PRKN: variants seen among roughly 807,000 people sequenced by gnomAD.
PRKN encodes the protein E3 ubiquitin-protein ligase parkin.
PRKN carries 56 observed loss-of-function variants against 59.5 expected under a neutral mutation model. The observed-to-expected ratio is 0.94, with a 90% CI of 0.76 to 1.18. PRKN has a LOEUF of 1.18. Ranked by LOEUF, PRKN falls within the 50% of genes most tolerant of loss-of-function variation. The pLI, the probability that PRKN is intolerant of heterozygous loss-of-function variation, is 0.00. For missense variants in PRKN, 657 were observed against 596.4 expected (o/e 1.10, Z -1.06); for synonymous variants, 250 against 222.1 (o/e 1.13, Z -1.12).
chr6:162,262,824 G>T, intron 2 of PRKN, 59 bp from the exon 3 acceptor site: 2 of 1,585,402 alleles, frequency 1.3e-6, no homozygotes, highest in Non-Finnish European at 1.7e-6. Context: ...AACATGAAAT[G>T]CGAGATAGAG....
At chr6:162,125,623 C>A (rs564388823) in intron 4 of PRKN, among the ~76,000 whole-genome samples, 2 of 152,132 alleles carry the variant, frequency 1.3e-5, no homozygotes, top group African/African-American at 2.4e-5. Flanking sequence ...ACTCACAACC[C>A]GTCACTTATA....
At chr6:162,670,656 G>A (rs1779285337) in intron 1 of PRKN, among the ~76,000 whole-genome samples, 1 of 152,088 alleles carries the variant, frequency 6.6e-6, no homozygotes, top group Non-Finnish European at 1.5e-5. Flanking sequence ...AAGAAGACTT[G>A]CCACCACCTA....
intron 2 of PRKN, among the ~76,000 whole-genome samples, chr6:162,302,724 T>C (rs9347614): frequency 0.32 from 48,297 of 151,842 alleles, 11,312 homozygotes; most frequent in African/African-American, 0.64. Flanking sequence ...TGCCAAAACT[T>C]CTGAGCTACA....
At chr6:161,368,384 T>TAG (rs1785307324) in intron 10 of PRKN, among the ~76,000 whole-genome samples, 1 of 124,618 alleles carries the variant, frequency 8.0e-6, no homozygotes, top group Non-Finnish European at 1.6e-5. Flanking sequence ...TCAGTCTTGA[T>TAG]ATATATATAT....
chr6:161,583,803 T>C (rs1175705247), intron 7 of PRKN, among the ~76,000 whole-genome samples: 1 of 152,176 alleles, frequency 6.6e-6, no homozygotes, highest in African/African-American at 2.4e-5. Context: ...TACATCATCG[T>C]TTTTAATGGC....
chr6:162,356,913 C>T (rs1784893669), intron 2 of PRKN, among the ~76,000 whole-genome samples: 1 of 151,922 alleles, frequency 6.6e-6, no homozygotes, highest in Admixed American at 6.6e-5. Context: ...GAACAAATAG[C>T]CATCCACATG....
rs576106978 is a variant in PRKN at position 161,920,519 on chromosome 6, A to C, written c.734+52783T>G. ...AACATGGTACCCCTGGGCCGGGCGC[A>C]GTGGCTCATGCCGGTAATCCCAGCA... On this transcript the variant is annotated intron_variant, in intron 6 of 11. Transcript: ENST00000366898. Among the ~76,000 whole-genome samples, 4 of 151,920 alleles carry C rather than the reference A, an allele frequency of 2.6e-5. No individual in the cohort carries two copies. The South Asian group carries it at 8.3e-4, about 32-fold the overall frequency.
chr6:162,620,865 A>G (rs1313474582), intron 1 of PRKN, among the ~76,000 whole-genome samples: 1 of 152,092 alleles, frequency 6.6e-6, no homozygotes, highest in African/African-American at 2.4e-5. Flanking sequence ...TATATTTTTT[A>G]CCAATCTTTG....
rs1274893101 is a variant in PRKN at position 162,056,159 on chromosome 6, A to C, written c.535-1985T>G. 2.7e-5 allele frequency among the ~76,000 whole-genome samples: 4 copies of C among 150,402 alleles called. No homozygotes were observed. Among genetic ancestry groups the C allele is most frequent in the Admixed American group, 6.6e-5 (1 of 15,062 alleles). ...CAAGACACACCACACACGCACGCAC[A>C]CCAAAACACACCACACATGCATAAA... On this transcript the variant is annotated intron_variant, in intron 4 of 11. Coordinates refer to ENST00000366898, the MANE Select transcript of PRKN (RefSeq NM_004562.3). The surrounding 1 kb of genome is among the most constrained non-coding windows in gnomAD (Gnocchi z 4.9).
At chr6:162,054,315 TG>T in intron 4 of PRKN, 141 bp from the exon 5 acceptor site, 1 of 711,748 alleles carries the variant, frequency 1.4e-6, no homozygotes, top group South Asian at 1.5e-5. Context: ...CTGCAGACTC[TG>T]GGGGTCCCCG....
chr6:162,521,206 T>C (rs1364098368), intron 1 of PRKN, among the ~76,000 whole-genome samples: 1 of 152,148 alleles, frequency 6.6e-6, no homozygotes, highest in Non-Finnish European at 1.5e-5. Context: ...CTACACTCAT[T>C]TCACAAATGA....
chr6:161,924,031 G>A (rs1230906260), intron 6 of PRKN, among the ~76,000 whole-genome samples: 1 of 152,086 alleles, frequency 6.6e-6, no homozygotes, highest in Admixed American at 6.6e-5. Context: ...CCAGGCTCTG[G>A]CGCTTCGTAG....
At chr6:161,572,731 T>C (rs1780939329) in intron 7 of PRKN, among the ~76,000 whole-genome samples, 1 of 152,122 alleles carries the variant, frequency 6.6e-6, no homozygotes, top group Admixed American at 6.6e-5. Context: ...ACATTAGCTT[T>C]CACAGGCATG....
rs375474737 is a variant in PRKN at position 162,665,285 on chromosome 6, C to A, written c.7+62377G>T. On this transcript the variant is annotated intron_variant, in intron 1 of 11. Transcript: ENST00000366898. ...ACATGATTTTATATTTAGAAAACCC[C>A]ATTATCTCAGCCCAAAAACTTCTTG... Among the ~76,000 whole-genome samples the A allele has an allele frequency of 3.6e-4, 55 of 152,146 alleles. No individual in the cohort carries two copies. In the East Asian group the frequency reaches 6.8e-3, roughly 19 times the overall value.
At chr6:162,568,928 C>T (rs914780737) in intron 1 of PRKN, 2 of 666,964 alleles carry the variant, frequency 3.0e-6, no homozygotes. Context: ...CTTACGTGAA[C>T]AAGGTAGAGC....
At chr6:162,572,047 C>T (rs956949051) in intron 1 of PRKN, among the ~76,000 whole-genome samples, 5 of 152,088 alleles carry the variant, frequency 3.3e-5, no homozygotes, top group African/African-American at 9.7e-5. Flanking sequence ...GTATCTTTGA[C>T]TATCCCCCAT....
chr6:162,525,688 T>C (rs1778251412), intron 1 of PRKN, among the ~76,000 whole-genome samples: 1 of 152,182 alleles, frequency 6.6e-6, no homozygotes, highest in South Asian at 2.1e-4. Context: ...TCACTTCATA[T>C]TTTTAGGATC....
At chr6:161,759,385 T>C (rs1333643033) in intron 7 of PRKN, among the ~76,000 whole-genome samples, 1 of 152,072 alleles carries the variant, frequency 6.6e-6, no homozygotes, top group Non-Finnish European at 1.5e-5. Flanking sequence ...CACTGTAAAT[T>C]TAAAGGTGTT....
chr6:162,565,501 C>T (rs146230426), intron 1 of PRKN, among the ~76,000 whole-genome samples: 2 of 152,050 alleles, frequency 1.3e-5, no homozygotes, highest in Non-Finnish European at 2.9e-5. Flanking sequence ...ACAAGCCTGG[C>T]AAACATGGTG....
Sources: allele counts gnomAD v4.1 joint callset (sites outside exome capture counted in the v4.1 genomes callset), GRCh38; gene constraint gnomAD v4.1.1; non-coding constraint Gnocchi (gnomAD v3.1); transcripts MANE v1.5; gene names NCBI Gene and HGNC (gene_info 2026-07-23, HGNC 2026-07-21).